UBE2V2: variants seen among roughly 807,000 people sequenced by gnomAD.
UBE2V2 encodes ubiquitin-conjugating enzyme E2 variant 2.
A neutral mutation model predicts 17.2 loss-of-function variants in UBE2V2; 9 were observed. That is an observed-to-expected ratio of 0.52 (90% CI 0.32 to 0.91). The LOEUF is 0.91. Ranked by LOEUF, UBE2V2 falls within the 40% of genes least tolerant of loss-of-function variation. UBE2V2 has a pLI of 0.04. For synonymous variants in UBE2V2, 61 were observed against 57.5 expected (o/e 1.06, Z -0.28); for missense variants, 133 against 182.6 (o/e 0.73, Z 1.56).
At chr8:48,047,817 G>A (rs1427470807) in intron 2 of UBE2V2, among the ~76,000 whole-genome samples, 1 of 152,094 alleles carries the variant, frequency 6.6e-6, no homozygotes, top group East Asian at 1.9e-4. Context: ...CCAAAGGGCT[G>A]GGATTACAGG....
chr8:48,038,099 C>A (rs767096738), intron 1 of UBE2V2, among the ~76,000 whole-genome samples: 6 of 152,142 alleles, frequency 3.9e-5, no homozygotes, highest in Admixed American at 1.3e-4. Context: ...CCCGTCCAAT[C>A]CTCCCTTTTC....
At chr8:48,046,674 A>G (rs1419464481) in intron 2 of UBE2V2, among the ~76,000 whole-genome samples, 2 of 152,068 alleles carry the variant, frequency 1.3e-5, no homozygotes, top group African/African-American at 2.4e-5. Context: ...ATCACACCTC[A>G]CAGCCTGGAC....
chr8:48,046,245 G>A (rs922684697), intron 2 of UBE2V2, among the ~76,000 whole-genome samples: 23 of 151,868 alleles, frequency 1.5e-4, no homozygotes, highest in African/African-American at 5.6e-4. Context: ...TTAGCCTCCC[G>A]AGTAGTGGGA....
chr8:48,032,083 A>G (rs920647104), intron 1 of UBE2V2, among the ~76,000 whole-genome samples: 2 of 152,196 alleles, frequency 1.3e-5, no homozygotes, highest in South Asian at 4.1e-4. Flanking sequence ...TGGTTATGCC[A>G]TCTTAGATTT....
At chr8:48,050,903 C>T (rs2091532539) in intron 3 of UBE2V2, among the ~76,000 whole-genome samples, 2 of 152,120 alleles carry the variant, frequency 1.3e-5, no homozygotes, top group Admixed American at 6.6e-5. Context: ...CTCTGTCCCC[C>T]AGGCTGTAGT....
At chr8:48,038,096 A>G (rs927982331) in intron 1 of UBE2V2, among the ~76,000 whole-genome samples, 20 of 152,244 alleles carry the variant, frequency 1.3e-4, no homozygotes, top group Admixed American at 7.9e-4. Context: ...CCACCCGTCC[A>G]ATCCTCCCTT....
chr8:48,030,807 A>T (rs2154507315), intron 1 of UBE2V2, among the ~76,000 whole-genome samples: 1 of 152,284 alleles, frequency 6.6e-6, no homozygotes, highest in Admixed American at 6.5e-5. Context: ...GGATCACTTG[A>T]AGTCAGGAGT....
intron 1 of UBE2V2, among the ~76,000 whole-genome samples, chr8:48,040,814 G>A (rs915107402): frequency 6.9e-6 from 1 of 144,818 alleles, no homozygotes; most frequent in Non-Finnish European, 1.5e-5. Flanking sequence ...TTTTAGTAGA[G>A]ATGGGGTTTC....
intron 2 of UBE2V2, among the ~76,000 whole-genome samples, chr8:48,048,910 A>C (rs993849152): frequency 2.6e-5 from 4 of 151,932 alleles, no homozygotes; most frequent in Non-Finnish European, 5.9e-5. Context: ...GAAAATTTAA[A>C]GTTTCAATAA....
chr8:48,006,602 C>T (rs888204398), upstream of UBE2V2, among the ~76,000 whole-genome samples: 4 of 152,110 alleles, frequency 2.6e-5, no homozygotes, highest in African/African-American at 2.4e-5. Flanking sequence ...AAGATCAAGT[C>T]GGCTTCATCC....
chr8:48,014,975 G>A (rs1409676533), intron 1 of UBE2V2, among the ~76,000 whole-genome samples: 2 of 151,076 alleles, frequency 1.3e-5, no homozygotes, highest in Non-Finnish European at 2.9e-5. Flanking sequence ...GCATGAACCC[G>A]GGAGGCGGAG....
chr8:48,035,619 G>GTTTTTTTT (rs770027131), intron 1 of UBE2V2, among the ~76,000 whole-genome samples: 5 of 84,618 alleles, frequency 5.9e-5, no homozygotes, highest in African/African-American at 1.6e-4. Context: ...AAAAATTATT[G>GTTTTTTTT]TTTTTTTTTT....
chr8:48,011,724 G>C (rs1344255273), intron 1 of UBE2V2, among the ~76,000 whole-genome samples: 1 of 152,184 alleles, frequency 6.6e-6, no homozygotes, highest in East Asian at 1.9e-4. Context: ...TGCGATCATG[G>C]CTCACTGCAG....
chr8:48,036,822 A>C (rs1473522074), intron 1 of UBE2V2, among the ~76,000 whole-genome samples: 1 of 152,162 alleles, frequency 6.6e-6, no homozygotes, highest in East Asian at 1.9e-4. Flanking sequence ...TGTGCATAGA[A>C]TGTATAGATC....
intron 1 of UBE2V2, among the ~76,000 whole-genome samples, chr8:48,019,094 C>T (rs769625954): frequency 5.9e-5 from 9 of 151,704 alleles, no homozygotes; most frequent in Non-Finnish European, 1.2e-4. Flanking sequence ...GGACCAGGAG[C>T]GGTGGCTCAC....
At chr8:48,013,619 G>A (rs998002810) in intron 1 of UBE2V2, among the ~76,000 whole-genome samples, 2 of 151,986 alleles carry the variant, frequency 1.3e-5, no homozygotes, top group Admixed American at 6.6e-5. Context: ...CACATGAAAC[G>A]TTTTACATTT....
chr8:48,006,043 T>A (rs2091180613), upstream of UBE2V2, among the ~76,000 whole-genome samples: 1 of 152,230 alleles, frequency 6.6e-6, no homozygotes, highest in Non-Finnish European at 1.5e-5. Flanking sequence ...CAATTTTGGC[T>A]TTTGTTGCCA....
At chr8:48,029,708 A>G (rs1050141024) in intron 1 of UBE2V2, among the ~76,000 whole-genome samples, 8 of 152,198 alleles carry the variant, frequency 5.3e-5, no homozygotes, top group Non-Finnish European at 1.2e-4. Context: ...TGTTTACTAA[A>G]CAGTACTGAT....
intron 3 of UBE2V2, among the ~76,000 whole-genome samples, chr8:48,055,464 G>A (rs1009510949): frequency 6.6e-6 from 1 of 151,964 alleles, no homozygotes. Flanking sequence ...GCCTACCAAA[G>A]TGCTGGGATT....
Sources: gnomAD v4.1 joint callset for allele counts (sites outside exome capture counted in the v4.1 genomes callset) on GRCh38, gnomAD v4.1.1 for gene constraint, MANE v1.5 for transcripts, NCBI Gene and HGNC (gene_info 2026-07-23, HGNC 2026-07-21) for gene names.